EZR: variants seen among roughly 807,000 people sequenced by gnomAD.
EZR encodes the protein ezrin.
A neutral mutation model predicts 74.8 loss-of-function variants in EZR; 40 were observed. That is an observed-to-expected ratio of 0.53 (90% CI 0.42 to 0.70). The LOEUF (loss-of-function observed/expected upper bound fraction) is 0.70, where lower values mean the gene tolerates loss of function less well. Ranked by LOEUF, EZR falls within the 30% of genes least tolerant of loss-of-function variation. The pLI, the probability that EZR is intolerant of heterozygous loss-of-function variation, is 0.00. For missense variants in EZR, 678 were observed against 755.8 expected (o/e 0.90, Z 1.21); for synonymous variants, 341 against 283.3 (o/e 1.20, Z -2.05).
At chr6:158,790,375 T>TA (rs942140704) in intron 2 of EZR, among the ~76,000 whole-genome samples, 2 of 152,126 alleles carry the variant, frequency 1.3e-5, no homozygotes, top group Non-Finnish European at 1.5e-5. Context: ...GTAGTTGTTT[T>TA]AAAAAAACAA....
chr6:158,803,576 T>TG (rs1777249079), intron 2 of EZR, among the ~76,000 whole-genome samples: 1 of 19,464 alleles, frequency 5.1e-5, no homozygotes, highest in Admixed American at 5.5e-4. Context: ...TATATATATA[T>TG]ATATACATAT....
chr6:158,779,680 C>T (rs984408929), intron 7 of EZR, among the ~76,000 whole-genome samples: 6 of 152,158 alleles, frequency 3.9e-5, no homozygotes, highest in African/African-American at 1.4e-4. Context: ...CCTCCCACCT[C>T]AGCCTCCCAA....
At chr6:158,787,077 C>T (rs1737130983) in intron 4 of EZR, 31 bp downstream of exon 4, 1 of 1,568,678 alleles carries the variant, frequency 6.4e-7, no homozygotes, top group African/African-American at 1.4e-5. Context: ...ACACCCAATC[C>T]ACAGCCTGTA....
intron 2 of EZR, among the ~76,000 whole-genome samples, chr6:158,813,755 G>A (rs1284955175): frequency 1.3e-5 from 2 of 152,196 alleles, no homozygotes; most frequent in Admixed American, 6.5e-5. Context: ...CCTAATGAAA[G>A]GTAAACCTGC....
chr6:158,769,965 A>G (rs2128565005), intron 10 of EZR, 21 bp from the exon 11 acceptor site: 1 of 1,606,046 alleles, frequency 6.2e-7, no homozygotes, highest in Non-Finnish European at 8.5e-7. Context: ...ACAAAGCCAG[A>G]GCCATTCAAA....
At chr6:158,797,404 T>G (rs991314941) in intron 2 of EZR, among the ~76,000 whole-genome samples, 15 of 152,206 alleles carry the variant, frequency 9.9e-5, no homozygotes, top group African/African-American at 3.4e-4. Context: ...AGGCAGTGGA[T>G]TCAGTGGTTA....
At chr6:158,786,654 T>G (rs1270882435) in intron 4 of EZR, among the ~76,000 whole-genome samples, 2 of 65,486 alleles carry the variant, frequency 3.1e-5, no homozygotes, top group Admixed American at 9.4e-5. Flanking sequence ...ACAGTGGGGG[T>G]TTCAAAAAAA....
chr6:158,792,114 T>C (rs1226466137), intron 2 of EZR, among the ~76,000 whole-genome samples: 1 of 152,178 alleles, frequency 6.6e-6, no homozygotes, highest in East Asian at 1.9e-4. Flanking sequence ...ATATTAAGCA[T>C]TTTGCAAACT....
chr6:158,785,184 G>C, intron 5 of EZR, 125 bp downstream of exon 5: 1 of 1,198,250 alleles, frequency 8.3e-7, no homozygotes, highest in Non-Finnish European at 1.2e-6. Flanking sequence ...TTAATGACTA[G>C]CATGAAGGAG....
intron 8 of EZR, among the ~76,000 whole-genome samples, chr6:158,772,977 G>T (rs1791163739): frequency 6.6e-6 from 1 of 152,182 alleles, no homozygotes; most frequent in African/African-American, 2.4e-5. Context: ...CCTGGGTGGG[G>T]CTGTCTTTGG....
intron 2 of EZR, among the ~76,000 whole-genome samples, chr6:158,814,017 CGG>C (rs1777501187): frequency 6.6e-6 from 1 of 152,098 alleles, no homozygotes; most frequent in Non-Finnish European, 1.5e-5. Context: ...CATGAAGGGG[CGG>C]GCAGAGAGGA....
intron 7 of EZR, among the ~76,000 whole-genome samples, chr6:158,780,591 C>T (rs1182703156): frequency 1.3e-5 from 2 of 152,192 alleles, no homozygotes; most frequent in African/African-American, 2.4e-5. Flanking sequence ...GCACCCTTTC[C>T]CTTTAAGGTG....
intron 12 of EZR, 54 bp from the exon 13 acceptor site, chr6:158,767,566 G>A: frequency 1.3e-6 from 2 of 1,523,344 alleles, no homozygotes; most frequent in Non-Finnish European, 1.8e-6. Context: ...CTATCCTCCT[G>A]GCTATGAGAA....
chr6:158,793,559 A>G (rs1791798021), intron 2 of EZR, among the ~76,000 whole-genome samples: 1 of 152,138 alleles, frequency 6.6e-6, no homozygotes, highest in Middle Eastern at 3.2e-3. Flanking sequence ...ATTAGTCATT[A>G]CCCTACTAGT....
chr6:158,782,809 C>T (rs1791468438), intron 7 of EZR, among the ~76,000 whole-genome samples: 1 of 152,198 alleles, frequency 6.6e-6, no homozygotes, highest in African/African-American at 2.4e-5. Flanking sequence ...CAGATCAATC[C>T]AGAATCTAGG....
At chr6:158,779,325 G>A (rs908971125) in intron 7 of EZR, among the ~76,000 whole-genome samples, 4 of 152,152 alleles carry the variant, frequency 2.6e-5, no homozygotes, top group Non-Finnish European at 5.9e-5. Flanking sequence ...CCACATCGAA[G>A]GAGACAGGGA....
At chr6:158,801,049 C>G (rs1337317028) in intron 2 of EZR, among the ~76,000 whole-genome samples, 1 of 152,218 alleles carries the variant, frequency 6.6e-6, no homozygotes, top group Admixed American at 6.5e-5. Context: ...GTGGGAAGAT[C>G]ACTTGGGCCT....
chr6:158,766,854 G>GTGGCGGGGC lies in EZR; in HGVS notation c.*51_*59dup, dbSNP rs1562487386. On this transcript the variant is annotated 3_prime_UTR_variant, in exon 14 of 14. Transcript: ENST00000367075. ...GACTTGGAGCACTAAAGACACAAGC[G>GTGGCGGGGC]TGGCGGGGCTGGCAGCGCCCGCTAT... 41 of 1,505,676 alleles carry GTGGCGGGGC rather than the reference G, an allele frequency of 2.7e-5. No homozygotes were observed. In the East Asian group the frequency reaches 7.7e-4, roughly 28 times the overall value. 93.3% of individuals were successfully genotyped at this position (1,505,676 alleles called of 1,614,324 possible). A position where few individuals can be genotyped will look rare whatever the true frequency, so the allele number is the denominator to read the frequency against.
intron 1 of EZR, among the ~76,000 whole-genome samples, chr6:158,818,415 G>A (rs1268948895): frequency 2.0e-5 from 3 of 151,354 alleles, no homozygotes; most frequent in East Asian, 2.0e-4. Flanking sequence ...GCGGGCACTG[G>A]AGGTGCCCCC....
Sources: allele counts gnomAD v4.1 joint callset (sites outside exome capture counted in the v4.1 genomes callset), GRCh38; gene constraint gnomAD v4.1.1; transcripts MANE v1.5; gene names NCBI Gene and HGNC (gene_info 2026-07-23, HGNC 2026-07-21).